PRMT3: variants seen among roughly 807,000 people sequenced by gnomAD.
The protein encoded by PRMT3 is protein arginine methyltransferase 3.
Under a neutral mutation model 71.9 loss-of-function variants are expected in PRMT3, and 62 were observed. The ratio of observed to expected loss-of-function variants is 0.86; its 90% CI spans 0.70 to 1.07. The LOEUF (loss-of-function observed/expected upper bound fraction) is 1.07. Among genes scored for constraint, PRMT3 ranks in the 50% least tolerant of loss-of-function variants. The pLI, the probability that PRMT3 is intolerant of heterozygous loss-of-function variation, is 0.00. For synonymous variants in PRMT3, 213 were observed against 220.4 expected (o/e 0.97, Z 0.30); for missense variants, 663 against 643.0 (o/e 1.03, Z -0.34).
chr11:20,408,965 T>C (rs951341256), intron 9 of PRMT3, among the ~76,000 whole-genome samples: 1 of 152,048 alleles, frequency 6.6e-6, no homozygotes, highest in Non-Finnish European at 1.5e-5. Flanking sequence ...GGCATGGTGG[T>C]GCATGCCTGT....
At chr11:20,496,795 C>T (rs1234562961) in intron 15 of PRMT3, among the ~76,000 whole-genome samples, 2 of 152,164 alleles carry the variant, frequency 1.3e-5, no homozygotes, top group African/African-American at 4.8e-5. Context: ...TTCAGTTTCA[C>T]TGTTGGTACA....
At chr11:20,413,880 C>T (rs966738455) in intron 9 of PRMT3, among the ~76,000 whole-genome samples, 1 of 152,080 alleles carries the variant, frequency 6.6e-6, no homozygotes, top group African/African-American at 2.4e-5. Flanking sequence ...TTAACAGGCT[C>T]TAAGTTGTCC....
chr11:20,395,148 A>G (rs1489432361), intron 5 of PRMT3, among the ~76,000 whole-genome samples: 1 of 152,196 alleles, frequency 6.6e-6, no homozygotes, highest in Non-Finnish European at 1.5e-5. Context: ...GTAATGATGT[A>G]CTGGAAAGAT....
chr11:20,458,923 A>G (rs932573821), intron 11 of PRMT3, among the ~76,000 whole-genome samples: 1 of 152,198 alleles, frequency 6.6e-6, no homozygotes, highest in African/African-American at 2.4e-5. Context: ...CTTATAAAAA[A>G]GTTACCTTTA....
intron 13 of PRMT3, among the ~76,000 whole-genome samples, chr11:20,473,580 T>G (rs776433959): frequency 6.6e-6 from 1 of 152,194 alleles, no homozygotes; most frequent in African/African-American, 2.4e-5. Flanking sequence ...GAGACTGTTA[T>G]GATTTCAATT....
intron 11 of PRMT3, 120 bp from the exon 12 acceptor site, chr11:20,461,859 TA>T: frequency 1.2e-6 from 1 of 818,270 alleles, no homozygotes; most frequent in Non-Finnish European, 1.7e-6. Flanking sequence ...ATACCTTCAT[TA>T]ATCTCCCATT....
intron 13 of PRMT3, among the ~76,000 whole-genome samples, chr11:20,481,985 T>C (rs1360462530): frequency 6.6e-6 from 1 of 151,530 alleles, no homozygotes; most frequent in Admixed American, 6.6e-5. Flanking sequence ...GGAAAACTTT[T>C]AGGTATATGT....
intron 7 of PRMT3, among the ~76,000 whole-genome samples, chr11:20,400,130 C>A (rs1446735830): frequency 6.6e-6 from 1 of 152,168 alleles, no homozygotes; most frequent in Non-Finnish European, 1.5e-5. Flanking sequence ...ATAAACTGTT[C>A]AAGGTATATT....
intron 15 of PRMT3, among the ~76,000 whole-genome samples, chr11:20,502,046 A>G (rs1851469417): frequency 6.6e-6 from 1 of 152,158 alleles, no homozygotes; most frequent in South Asian, 2.1e-4. Flanking sequence ...AATTAATTCT[A>G]AAAAATACAC....
intron 8 of PRMT3, chr11:20,405,513 G>T (rs1220743792): frequency 6.6e-6 from 1 of 152,218 alleles, no homozygotes; most frequent in African/African-American, 2.4e-5. Context: ...GTGTTTGAAT[G>T]CAGGCCCTAC....
intron 9 of PRMT3, among the ~76,000 whole-genome samples, chr11:20,421,691 A>G (rs1195019929): frequency 6.6e-6 from 1 of 152,048 alleles, no homozygotes; most frequent in Non-Finnish European, 1.5e-5. Flanking sequence ...TTCAAAAACC[A>G]TTGAGTCCTT....
At chr11:20,463,315 AAC>A (rs1285390102) in intron 12 of PRMT3, among the ~76,000 whole-genome samples, 1 of 152,226 alleles carries the variant, frequency 6.6e-6, no homozygotes, top group African/African-American at 2.4e-5. Flanking sequence ...TTTTAAGAAA[AAC>A]AGTCTGCTTG....
intron 13 of PRMT3, among the ~76,000 whole-genome samples, chr11:20,476,539 A>G (rs932707846): frequency 3.9e-5 from 6 of 152,208 alleles, no homozygotes; most frequent in African/African-American, 1.4e-4. Flanking sequence ...CCAACATTCC[A>G]TGAGGAAGTG....
intron 3 of PRMT3, among the ~76,000 whole-genome samples, chr11:20,390,702 A>G (rs186325126): frequency 3.9e-5 from 6 of 152,380 alleles, no homozygotes; most frequent in Admixed American, 1.3e-4. Flanking sequence ...TAAATAGGCC[A>G]GGTGCTGTGG....
At chr11:20,494,035 C>A in intron 14 of PRMT3, 66 bp downstream of exon 14, 1 of 1,466,664 alleles carries the variant, frequency 6.8e-7, no homozygotes, top group Admixed American at 1.8e-5. Flanking sequence ...TTATTTTGTG[C>A]CCCAAGGTGT....
intron 10 of PRMT3, among the ~76,000 whole-genome samples, chr11:20,433,983 T>C (rs940349489): frequency 2.6e-5 from 4 of 152,280 alleles, no homozygotes; most frequent in Non-Finnish European, 5.9e-5. Flanking sequence ...TTTGACCTAA[T>C]TGACACTCAG....
At chr11:20,501,419 G>T (rs1444255729) in intron 15 of PRMT3, among the ~76,000 whole-genome samples, 2 of 152,192 alleles carry the variant, frequency 1.3e-5, no homozygotes, top group Admixed American at 6.5e-5. Flanking sequence ...TCCATATTTG[G>T]ATGGCCAATT....
intron 9 of PRMT3, among the ~76,000 whole-genome samples, chr11:20,420,822 T>C (rs1299084890): frequency 6.6e-6 from 1 of 152,188 alleles, no homozygotes; most frequent in African/African-American, 2.4e-5. Context: ...AGGATACCTT[T>C]CATCACCTCT....
intron 13 of PRMT3, among the ~76,000 whole-genome samples, chr11:20,470,603 T>C (rs527648548): frequency 6.6e-6 from 1 of 152,296 alleles, no homozygotes; most frequent in African/African-American, 2.4e-5. Flanking sequence ...CCATGGTGTA[T>C]ATGTATATGT....
Sources: gnomAD v4.1 joint callset for allele counts (sites outside exome capture counted in the v4.1 genomes callset) on GRCh38, gnomAD v4.1.1 for gene constraint, MANE v1.5 for transcripts, NCBI Gene and HGNC (gene_info 2026-07-23, HGNC 2026-07-21) for gene names.